The following SPMIP4 variants were observed in gnomAD, a reference collection of about 807,000 sequenced individuals.
The protein encoded by SPMIP4 is sperm-associated microtubule inner protein 4.
At chr7:25,145,907 CA>C in the SPMIP4 span, among the ~76,000 whole-genome samples, 4 of 148,834 alleles carry the variant, frequency 2.7e-5, no homozygotes, top group South Asian at 6.3e-4. Context: ...TTAAATGAAA[CA>C]AAAAAAGCAA....
At chr7:25,158,274 G>A in the SPMIP4 span, among the ~76,000 whole-genome samples, 2 of 149,892 alleles carry the variant, frequency 1.3e-5, no homozygotes, top group African/African-American at 2.4e-5. Context: ...AGGTGAAGGT[G>A]GAAGGATCAC....
At chr7:25,126,387 G>A in the SPMIP4 span, among the ~76,000 whole-genome samples, 5 of 151,774 alleles carry the variant, frequency 3.3e-5, no homozygotes, top group African/African-American at 7.3e-5. Flanking sequence ...TATTTGGTCA[G>A]GCTGGTCTCG....
chr7:25,139,884 T>C, the SPMIP4 span, among the ~76,000 whole-genome samples: 1 of 152,244 alleles, frequency 6.6e-6, no homozygotes. Context: ...TCTTTATGGT[T>C]TAATCAGAAA....
the SPMIP4 span, among the ~76,000 whole-genome samples, chr7:25,158,932 T>C: frequency 1.3e-5 from 2 of 152,194 alleles, no homozygotes; most frequent in African/African-American, 2.4e-5. Flanking sequence ...CTTGATTAAC[T>C]TTCTGGATTC....
chr7:25,151,631 C>G, the SPMIP4 span: 1 of 1,611,704 alleles, frequency 6.2e-7, no homozygotes, highest in Admixed American at 1.7e-5. Flanking sequence ...CAAGTCAGTG[C>G]TTTCTTCTTT....
At chr7:25,177,488 A>C in the SPMIP4 span, among the ~76,000 whole-genome samples, 1 of 152,106 alleles carries the variant, frequency 6.6e-6, no homozygotes, top group Non-Finnish European at 1.5e-5. Context: ...TCTAATAAAA[A>C]AAAAACAAAA....
At chr7:25,136,533 G>A in the SPMIP4 span, 1 of 1,614,146 alleles carries the variant, frequency 6.2e-7, no homozygotes, top group East Asian at 2.2e-5. The surrounding 1 kb of genome is among the most constrained non-coding windows in gnomAD (Gnocchi z 5.7). Context: ...TAGACAGCAA[G>A]CTCTGTTCTT....
At chr7:25,162,401 A>T in the SPMIP4 span, among the ~76,000 whole-genome samples, 1 of 152,150 alleles carries the variant, frequency 6.6e-6, no homozygotes, top group African/African-American at 2.4e-5. Context: ...AATATTAATA[A>T]AGATAACACA....
chr7:25,164,084 G>A, the SPMIP4 span, among the ~76,000 whole-genome samples: 1 of 152,088 alleles, frequency 6.6e-6, no homozygotes, highest in Non-Finnish European at 1.5e-5. Context: ...TGTGGGACAC[G>A]CTCTGAACCA....
At chr7:25,142,183 CAAG>C in the SPMIP4 span, 5 of 1,291,472 alleles carry the variant, frequency 3.9e-6, 1 homozygote, top group South Asian at 3.8e-5. Flanking sequence ...AGTGGCAAAG[CAAG>C]AAGGAGCCCA....
the SPMIP4 span, chr7:25,135,730 CTA>C: frequency 5.5e-6 from 6 of 1,099,812 alleles, no homozygotes; most frequent in East Asian, 2.4e-4. Context: ...AGATTAAAGA[CTA>C]TAAATTTTTC....
chr7:25,169,986 C>T, the SPMIP4 span, among the ~76,000 whole-genome samples: 1 of 152,130 alleles, frequency 6.6e-6, no homozygotes, highest in African/African-American at 2.4e-5. Flanking sequence ...TTTTAACTCT[C>T]GTGAATAATA....
the SPMIP4 span, among the ~76,000 whole-genome samples, chr7:25,126,144 C>T: frequency 6.6e-6 from 1 of 152,134 alleles, no homozygotes; most frequent in Admixed American, 6.5e-5. Context: ...GTCTATCCAT[C>T]ACCTCAAGCA....
At chr7:25,128,929 T>C in the SPMIP4 span, among the ~76,000 whole-genome samples, 8 of 152,232 alleles carry the variant, frequency 5.3e-5, no homozygotes, top group Non-Finnish European at 7.3e-5. The surrounding 1 kb of genome is among the most constrained non-coding windows in gnomAD (Gnocchi z 4.5). Flanking sequence ...TCTCTAGAAA[T>C]TTCATGTGGG....
the SPMIP4 span, among the ~76,000 whole-genome samples, chr7:25,137,308 T>TA: frequency 1.5e-5 from 2 of 137,342 alleles, no homozygotes; most frequent in African/African-American, 6.2e-5. Flanking sequence ...TTTCTTTTTT[T>TA]TTTTTTTTTT....
the SPMIP4 span, among the ~76,000 whole-genome samples, chr7:25,159,546 T>A: frequency 4.6e-5 from 7 of 152,226 alleles, no homozygotes; most frequent in Admixed American, 2.0e-4. Flanking sequence ...CAGAATGTTA[T>A]CAATTTGATA....
the SPMIP4 span, chr7:25,135,493 G>C: frequency 1.0e-6 from 1 of 985,916 alleles, no homozygotes; most frequent in African/African-American, 1.7e-5. Flanking sequence ...TAGGTGTTTG[G>C]GTTTTGTCTT....
the SPMIP4 span, among the ~76,000 whole-genome samples, chr7:25,128,547 T>A: frequency 6.6e-6 from 1 of 152,190 alleles, no homozygotes; most frequent in Non-Finnish European, 1.5e-5. This position sits in a 1 kb window ranked among gnomAD's most constrained non-coding sequence, Gnocchi z 4.5. Context: ...GGCTCTTCAG[T>A]CAGCTTGTGA....
chr7:25,141,296 A>G, the SPMIP4 span, among the ~76,000 whole-genome samples: 5 of 152,170 alleles, frequency 3.3e-5, no homozygotes, highest in Non-Finnish European at 2.9e-5. Context: ...GCAAAGGGCC[A>G]GGCGCAGTAG....
Sources: allele counts gnomAD v4.1 joint callset (sites outside exome capture counted in the v4.1 genomes callset), GRCh38; gene constraint gnomAD v4.1.1; non-coding constraint Gnocchi (gnomAD v3.1); transcripts MANE v1.5; gene names NCBI Gene and HGNC (gene_info 2026-07-23, HGNC 2026-07-21).